The following MALRD1 variants were observed in gnomAD, a reference collection of about 807,000 sequenced individuals.
MALRD1 encodes the protein MAM and LDL receptor class A domain containing 1.
MALRD1 carries 247 observed loss-of-function variants against 242.1 expected under a neutral mutation model. That is an observed-to-expected ratio of 1.02 (90% CI 0.92 to 1.13). MALRD1 has a LOEUF of 1.13. Ranked by LOEUF, MALRD1 falls within the 50% of genes most tolerant of loss-of-function variation. MALRD1 has a pLI of 0.00. For missense variants in MALRD1, 2,989 were observed against 2,533.1 expected (o/e 1.18, Z -3.86); for synonymous variants, 995 against 866.6 (o/e 1.15, Z -2.60).
At chr10:19,388,848 G>T (rs1285205652) in intron 27 of MALRD1, among the ~76,000 whole-genome samples, 2 of 88,612 alleles carry the variant, frequency 2.3e-5, no homozygotes, top group Admixed American at 2.9e-4. Context: ...CATAGGCAAA[G>T]AAGTCTAAAT....
chr10:19,443,538 T>A (rs1286198142), intron 28 of MALRD1, among the ~76,000 whole-genome samples: 1 of 152,234 alleles, frequency 6.6e-6, no homozygotes, highest in African/African-American at 2.4e-5. Flanking sequence ...TCTCATTGGT[T>A]TCAAAGAACA....
At chr10:19,264,206 T>TTCA (rs1203135301) in intron 19 of MALRD1, among the ~76,000 whole-genome samples, 1 of 152,204 alleles carries the variant, frequency 6.6e-6, no homozygotes, top group Admixed American at 6.5e-5. Flanking sequence ...ATTTTAAGCC[T>TTCA]TCATTCTGTT....
intron 36 of MALRD1, among the ~76,000 whole-genome samples, chr10:19,639,215 A>G (rs1840277619): frequency 1.3e-5 from 2 of 152,210 alleles, no homozygotes; most frequent in African/African-American, 4.8e-5. Context: ...CAGAAAAAGT[A>G]TCCATTATAT....
intron 28 of MALRD1, among the ~76,000 whole-genome samples, chr10:19,432,368 C>T (rs1167341816): frequency 6.6e-6 from 1 of 152,108 alleles, no homozygotes; most frequent in Admixed American, 6.5e-5. Flanking sequence ...TTTAGTTATG[C>T]AATTTAAACT....
At chr10:19,385,253 A>G (rs1846027215) in intron 26 of MALRD1, among the ~76,000 whole-genome samples, 1 of 151,988 alleles carries the variant, frequency 6.6e-6, no homozygotes, top group South Asian at 2.1e-4. Flanking sequence ...TGGCTTTGGT[A>G]TTGAGGTAAT....
chr10:19,050,132 G>T (rs1834443908), intron 1 of MALRD1, among the ~76,000 whole-genome samples: 1 of 141,580 alleles, frequency 7.1e-6, no homozygotes, highest in Non-Finnish European at 1.5e-5. Context: ...CTGTCGCCCA[G>T]GCTGGAGTGC....
At chr10:19,577,621 G>A (rs1014554167) in intron 33 of MALRD1, among the ~76,000 whole-genome samples, 1 of 152,098 alleles carries the variant, frequency 6.6e-6, no homozygotes, top group Non-Finnish European at 1.5e-5. Context: ...AATTTCACAA[G>A]TGTCTCATCC....
intron 26 of MALRD1, among the ~76,000 whole-genome samples, chr10:19,365,047 A>G (rs1234435264): frequency 1.3e-5 from 2 of 152,182 alleles, no homozygotes; most frequent in African/African-American, 4.8e-5. Flanking sequence ...ATTTCTAAAA[A>G]GAATGTCATT....
At chr10:19,210,358 G>A (rs2583648) in intron 18 of MALRD1, among the ~76,000 whole-genome samples, 133,312 of 152,264 alleles carry the variant, frequency 0.88, 58,558 homozygotes, top group African/African-American at 0.95. Flanking sequence ...AAAAAAGCTT[G>A]GAGTGCTGAC....
At chr10:19,344,454 G>A (rs1171346602) in intron 24 of MALRD1, among the ~76,000 whole-genome samples, 2 of 151,894 alleles carry the variant, frequency 1.3e-5, no homozygotes, top group East Asian at 1.9e-4. Flanking sequence ...TCAAAAATTA[G>A]TTGTACTTAC....
At chr10:19,219,630 C>A (rs182580726) in intron 18 of MALRD1, among the ~76,000 whole-genome samples, 1 of 152,050 alleles carries the variant, frequency 6.6e-6, no homozygotes, top group Non-Finnish European at 1.5e-5. Context: ...ACATATGTTG[C>A]CCAAGCTGGT....
intron 5 of MALRD1, among the ~76,000 whole-genome samples, chr10:19,106,759 G>A (rs377267670): frequency 6.6e-6 from 1 of 151,766 alleles, no homozygotes; most frequent in Non-Finnish European, 1.5e-5. Context: ...TTTGATGTAA[G>A]CATTTATTGG....
At chr10:19,711,861 C>A (rs1311422516) in intron 38 of MALRD1, among the ~76,000 whole-genome samples, 2 of 152,040 alleles carry the variant, frequency 1.3e-5, no homozygotes, top group Non-Finnish European at 2.9e-5. Flanking sequence ...TCTCCCTGAC[C>A]AATTAAAATC....
At chr10:19,151,828 T>C (rs1227114954) in intron 11 of MALRD1, among the ~76,000 whole-genome samples, 1 of 152,194 alleles carries the variant, frequency 6.6e-6, no homozygotes, top group Non-Finnish European at 1.5e-5. Context: ...ATTTTTTAAA[T>C]ATTAAACCCC....
At chr10:19,250,962 A>G (rs577300635) in intron 18 of MALRD1, among the ~76,000 whole-genome samples, 9 of 151,888 alleles carry the variant, frequency 5.9e-5, no homozygotes, top group African/African-American at 1.9e-4. Context: ...TAATATTATT[A>G]TTATTATTTA....
chr10:19,432,172 T>G (rs1444143692), intron 28 of MALRD1, among the ~76,000 whole-genome samples: 3 of 152,144 alleles, frequency 2.0e-5, no homozygotes, highest in Non-Finnish European at 2.9e-5. Context: ...AATATAACTT[T>G]GTTAGAGCAA....
intron 28 of MALRD1, among the ~76,000 whole-genome samples, chr10:19,412,356 T>G (rs890717807): frequency 2.0e-5 from 3 of 152,144 alleles, no homozygotes; most frequent in African/African-American, 7.2e-5. Flanking sequence ...GCTTTTAACC[T>G]CCATCAATTA....
chr10:19,580,884 CTG>C (rs1837086946), intron 33 of MALRD1, among the ~76,000 whole-genome samples: 1 of 152,124 alleles, frequency 6.6e-6, no homozygotes, highest in Non-Finnish European at 1.5e-5. Context: ...TACACACACT[CTG>C]TGTACTTTCC....
At chr10:19,335,977 A>G (rs1329651658) in intron 24 of MALRD1, among the ~76,000 whole-genome samples, 1 of 152,026 alleles carries the variant, frequency 6.6e-6, no homozygotes, top group Non-Finnish European at 1.5e-5. Flanking sequence ...CCGACAGCCA[A>G]TAACAGACAG....
Sources: gnomAD v4.1 joint callset for allele counts (sites outside exome capture counted in the v4.1 genomes callset) on GRCh38, gnomAD v4.1.1 for gene constraint, MANE v1.5 for transcripts, NCBI Gene and HGNC (gene_info 2026-07-23, HGNC 2026-07-21) for gene names.